Variants in DLGAP3 observed in about 807,000 individuals in gnomAD.
DLGAP3 encodes DLG associated protein 3, also known as disks large-associated protein 3.
DLGAP3 carries 17 observed loss-of-function variants against 81.2 expected under a neutral mutation model. The ratio of observed to expected loss-of-function variants is 0.21; its 90% confidence interval spans 0.14 to 0.31. DLGAP3 has a LOEUF of 0.31. Ranked by LOEUF, DLGAP3 falls within the 10% of genes least tolerant of loss-of-function variation. The pLI is 1.00. For missense variants in DLGAP3, 1,124 were observed against 1,388.0 expected, an observed-to-expected ratio of 0.81 and a Z score of 3.02; for synonymous variants, 577 against 587.4, an observed-to-expected ratio of 0.98 and a Z score of 0.26.
chr1:34,912,736 G>A (rs1351229770), intron 1 of DLGAP3, among the ~76,000 whole-genome samples: 6 of 152,166 alleles, frequency 3.9e-5, no homozygotes, highest in Non-Finnish European at 7.3e-5. Context: ...CCCTCTCCCT[G>A]TGTTAACCAA....
chr1:34,874,646 G>A (rs998181600), intron 8 of DLGAP3, among the ~76,000 whole-genome samples: 3 of 152,200 alleles, frequency 2.0e-5, no homozygotes, highest in Non-Finnish European at 2.9e-5. Flanking sequence ...ACTTCAGGGA[G>A]AGTTTCCACT....
chr1:34,916,643 T>C (rs1432752023), intron 1 of DLGAP3, among the ~76,000 whole-genome samples: 2 of 148,798 alleles, frequency 1.3e-5, no homozygotes, highest in Non-Finnish European at 3.0e-5. Flanking sequence ...AGAATACTTT[T>C]ATTTTTTATT....
At chr1:34,883,812 C>A (rs966437688) in intron 8 of DLGAP3, among the ~76,000 whole-genome samples, 3 of 152,012 alleles carry the variant, frequency 2.0e-5, no homozygotes, top group Non-Finnish European at 4.4e-5. Context: ...CAGGCACAAA[C>A]ACAAGACATC....
chr1:34,916,794 C>G (rs1207534132), intron 1 of DLGAP3, among the ~76,000 whole-genome samples: 5 of 152,130 alleles, frequency 3.3e-5, no homozygotes, highest in Admixed American at 2.0e-4. Context: ...CTCCCAGGTT[C>G]AAGCAATTCC....
At chr1:34,925,180 AC>A (rs1397893679) in intron 1 of DLGAP3, among the ~76,000 whole-genome samples, 25 of 130,786 alleles carry the variant, frequency 1.9e-4, no homozygotes, top group African/African-American at 9.2e-4. Context: ...GGGGCACCTG[AC>A]AACCCCCCCC....
At chr1:34,906,947 A>G (rs1006543143) in intron 2 of DLGAP3, among the ~76,000 whole-genome samples, 10 of 152,102 alleles carry the variant, frequency 6.6e-5, no homozygotes, top group African/African-American at 2.4e-4. Flanking sequence ...GAGCTGGCAG[A>G]CGGTGCCCTC....
chr1:34,904,520 G>A lies in DLGAP3; in HGVS notation c.864C>T (p.Cys288=), dbSNP rs1191436650. ...GGTAGGACCCATCTGGACCCTCCAG[G>A]CAGAAGGGACCACCAGGCTCCCCAG... ...RPPGEPGGPF[C]LEGPDGSYRD... The change falls in exon 3 of 12, where the codon TGC becomes TGT. Residue 288 remains cysteine, a synonymous_variant. Coordinates refer to ENST00000373347, the MANE Select transcript of DLGAP3 (RefSeq NM_001080418.3). The surrounding 1 kb of genome is among the most constrained non-coding windows in gnomAD (Gnocchi z 8.1). 1 of 1,614,082 alleles carries A rather than the reference G, an allele frequency of 6.2e-7. No homozygotes were observed. Among genetic ancestry groups the A allele is most frequent in the Non-Finnish European group, 8.5e-7 (1 of 1,180,020 alleles).
chr1:34,905,511 G>T, intron 2 of DLGAP3, 77 bp from the exon 3 acceptor site: 2 of 1,008,252 alleles, frequency 2.0e-6, no homozygotes, highest in Non-Finnish European at 2.8e-6. Flanking sequence ...AGGCATCCTT[G>T]TATCCCTTTA....
At chr1:34,869,928 C>T (rs1638953874) in intron 8 of DLGAP3, among the ~76,000 whole-genome samples, 1 of 152,178 alleles carries the variant, frequency 6.6e-6, no homozygotes, top group African/African-American at 2.4e-5. Context: ...TGCTGGGCTC[C>T]ACAGTCCAAG....
At position 34,926,309 on chromosome 1, in the gene DLGAP3, C is replaced by T. The variant is rs4653116; in HGVS notation, c.-135+3142G>A. Among the ~76,000 whole-genome samples, 2,338 of 152,226 alleles carry T rather than the reference C, an allele frequency of 0.015. 131 individuals carry two copies. The East Asian group carries it at 0.2, about 13-fold the overall frequency. The stretch of plus-strand genomic sequence containing the variant: ...TGGTAGGAAGAGATGCTGCATGGAG[C>T]CCAGGGGCCTGACAAGTTATTAGCA... On this transcript the variant is annotated intron_variant, in intron 1 of 11. Transcript: ENST00000373347.
Position 34,895,218 on chromosome 1 carries a change from A to G in DLGAP3, c.1386+4451T>C, listed in dbSNP as rs1252080431. On this transcript the variant is annotated intron_variant, in intron 5 of 11. Transcript: ENST00000373347. This position sits in a 1 kb window ranked among gnomAD's most constrained non-coding sequence, Gnocchi z 4.5. ...CCGTCTGTACTAAAAATACAAAAAA[A>G]TTAGCCAGGCGTGGTGGCGGGCGCC... Among the ~76,000 whole-genome samples the G allele has an allele frequency of 1.3e-5, 2 of 152,094 alleles. No individual in the cohort carries two copies. The highest frequency in any genetic ancestry group is 3.2e-3 in the Middle Eastern group (1 of 316).
At position 34,865,909 on chromosome 1, in the gene DLGAP3, G is replaced by A. The variant is rs913474286; in HGVS notation, c.*174C>T. On this transcript the variant is annotated 3_prime_UTR_variant, in exon 12 of 12. Coordinates refer to ENST00000373347, the MANE Select transcript of DLGAP3 (RefSeq NM_001080418.3). Reference sequence around the variant, plus strand: ...CCCTGCCCAGCCCGGGCGCCTTCGCGTGGGATCAGGAAGGTAAAAAACCCA... The same window carrying A: ...CCCTGCCCAGCCCGGGCGCCTTCGCATGGGATCAGGAAGGTAAAAAACCCA... 1 of 705,020 alleles carries A rather than the reference G, an allele frequency of 1.4e-6. No individual in the cohort carries two copies. 43.7% of individuals were successfully genotyped at this position (705,020 alleles called of 1,614,324 possible). A position where few individuals can be genotyped will look rare whatever the true frequency, so the allele number is the denominator to read the frequency against.
intron 8 of DLGAP3, among the ~76,000 whole-genome samples, chr1:34,874,128 A>T (rs947573353): frequency 1.3e-5 from 2 of 152,186 alleles, no homozygotes; most frequent in Non-Finnish European, 2.9e-5. Flanking sequence ...GAATGCAGAC[A>T]TGATGGCTGG....
chr1:34,929,046 G>A lies in DLGAP3; in HGVS notation c.-135+405C>T, dbSNP rs553955384. 1.3e-5 allele frequency among the ~76,000 whole-genome samples: 2 copies of A among 151,812 alleles called. No individual in the cohort carries two copies. The highest frequency in any genetic ancestry group is 2.4e-5 in the African/African-American group (1 of 41,338). On this transcript the variant is annotated intron_variant, in intron 1 of 11. Transcript: ENST00000373347. The surrounding 1 kb of genome is among the most constrained non-coding windows in gnomAD (Gnocchi z 6.5). ...GACACACTCGGCACAGACACACAGCGACACGCACTCACATTCACACACCTG... is the reference window on the plus strand; with the variant it reads ...GACACACTCGGCACAGACACACAGCAACACGCACTCACATTCACACACCTG...
In DLGAP3 at chr1:34,867,180, C is replaced by T. The variant is rs554484218; in HGVS notation, c.2589G>A (p.Ala863=). The change falls in exon 11 of 12, where the codon GCG becomes GCA. Residue 863 remains alanine, a synonymous_variant. Coordinates refer to ENST00000373347, the MANE Select transcript of DLGAP3 (RefSeq NM_001080418.3). This position sits in a 1 kb window ranked among gnomAD's most constrained non-coding sequence, Gnocchi z 4.3. ...RLCQQSMDPT[A]FPVPTFQDLA... ...GGTCCTGGAAGGTGGGCACAGGGAA[C>T]GCAGTGGGATCCTGCAACAGAGGAA... 5.2e-5 allele frequency: 84 copies of T among 1,614,126 alleles called. 1 individual carries two copies. In the South Asian group the frequency reaches 8.5e-4, roughly 16 times the overall value.
chr1:34,924,290 T>C (rs1277340660), intron 1 of DLGAP3, among the ~76,000 whole-genome samples: 1 of 152,176 alleles, frequency 6.6e-6, no homozygotes, highest in African/African-American at 2.4e-5. Context: ...CTTTTCCCAC[T>C]GCCCTGTCTC....
chr1:34,884,261 C>T (rs1335708346), intron 8 of DLGAP3, among the ~76,000 whole-genome samples: 1 of 151,984 alleles, frequency 6.6e-6, no homozygotes, highest in Admixed American at 6.5e-5. Flanking sequence ...GCCTGGGAAG[C>T]TCAGATACCA....
At chr1:34,879,347 C>G (rs1244547610) in intron 8 of DLGAP3, among the ~76,000 whole-genome samples, 1 of 152,072 alleles carries the variant, frequency 6.6e-6, no homozygotes, top group African/African-American at 2.4e-5. Flanking sequence ...AACCTAGATC[C>G]CTTACATATG....
chr1:34,889,399 G>T (rs915885443), intron 5 of DLGAP3, among the ~76,000 whole-genome samples: 2 of 152,144 alleles, frequency 1.3e-5, no homozygotes, highest in Admixed American at 1.3e-4. Context: ...CTATCCTACA[G>T]TTATAAAACT....
Sources: allele counts gnomAD v4.1 joint callset (sites outside exome capture counted in the v4.1 genomes callset), GRCh38; gene constraint gnomAD v4.1.1; non-coding constraint Gnocchi (gnomAD v3.1); transcripts MANE v1.5; gene names NCBI Gene and HGNC (gene_info 2026-07-23, HGNC 2026-07-21).